The following ASAP2 variants were observed in gnomAD, a reference collection of about 807,000 sequenced individuals.
ASAP2 encodes the protein ArfGAP with SH3 domain, ankyrin repeat and PH domain 2.
Under a neutral mutation model 131.4 loss-of-function variants are expected in ASAP2, and 45 were observed. The ratio of observed to expected loss-of-function variants is 0.34; its 90% CI spans 0.27 to 0.44. The LOEUF (loss-of-function observed/expected upper bound fraction) is 0.44. ASAP2 is among the 20% of genes least tolerant of loss of function. The probability of loss-of-function intolerance (pLI) is 1.00; values close to 1 mark genes in which losing one functional copy is unlikely to be tolerated. For missense variants in ASAP2, 1,011 were observed against 1,297.0 expected, an observed-to-expected ratio of 0.78 and a Z score of 3.39; for synonymous variants, 510 against 503.0, an observed-to-expected ratio of 1.01 and a Z score of -0.19.
At chr2:9,357,896 G>C (rs746598783) in intron 14 of ASAP2, among the ~76,000 whole-genome samples, 2 of 152,192 alleles carry the variant, frequency 1.3e-5, no homozygotes, top group Non-Finnish European at 2.9e-5. Flanking sequence ...GTTCTGAAGA[G>C]AATTGTATTT....
At chr2:9,368,172 CCT>C (rs1445417923) in intron 15 of ASAP2, among the ~76,000 whole-genome samples, 2 of 152,180 alleles carry the variant, frequency 1.3e-5, no homozygotes, top group Middle Eastern at 3.2e-3. Context: ...ACTGGTTCTC[CCT>C]GTCTCTGTCT....
chr2:9,278,658 GC>G (rs772752281), intron 1 of ASAP2, among the ~76,000 whole-genome samples: 2 of 152,198 alleles, frequency 1.3e-5, no homozygotes, highest in Non-Finnish European at 2.9e-5. Flanking sequence ...CATTGTGAGT[GC>G]CATAGACAAC....
intron 9 of ASAP2, among the ~76,000 whole-genome samples, chr2:9,342,708 C>G (rs1241051892): frequency 6.6e-6 from 1 of 152,170 alleles, no homozygotes; most frequent in Non-Finnish European, 1.5e-5. Context: ...TTTTCAAACT[C>G]AGAAATCCAA....
In ASAP2 at chr2:9,207,635, C is replaced by T. The variant is rs912211686; in HGVS notation, c.126+405C>T. Among the ~76,000 whole-genome samples the T allele has an allele frequency of 1.3e-5, 2 of 151,922 alleles. No homozygotes were observed. Among genetic ancestry groups the T allele is most frequent in the African/African-American group, 4.8e-5 (2 of 41,420 alleles). On this transcript the variant is annotated intron_variant, in intron 1 of 27. Coordinates refer to ENST00000281419, the MANE Select transcript of ASAP2 (RefSeq NM_003887.3). This position sits in a 1 kb window ranked among gnomAD's most constrained non-coding sequence, Gnocchi z 4.1. ...TCTTGAAGTGGACCGGCGGGGGCAG[C>T]TCCGCGCTCCGAGCTCCCCGCCGCA...
Position 9,207,851 on chromosome 2 carries a change from C to T in ASAP2, c.126+621C>T, listed in dbSNP as rs888044411. Among the ~76,000 whole-genome samples, 5 of 152,184 alleles carry T rather than the reference C, an allele frequency of 3.3e-5. No individual in the cohort carries two copies. The highest frequency in any genetic ancestry group is 7.4e-5 in the Non-Finnish European group (5 of 68,024). ...CAAGAAGCCTCCAGGAGCCGCTCCC[C>T]GGTTACCTGGGTCTCACCTGCTTGA... On this transcript the variant is annotated intron_variant, in intron 1 of 27. Coordinates refer to ENST00000281419, the MANE Select transcript of ASAP2 (RefSeq NM_003887.3). The surrounding 1 kb of genome is among the most constrained non-coding windows in gnomAD (Gnocchi z 4.1).
chr2:9,242,104 G>C (rs1387255500), intron 1 of ASAP2, among the ~76,000 whole-genome samples: 1 of 152,180 alleles, frequency 6.6e-6, no homozygotes. Context: ...CGTTGTGTTT[G>C]CTATCTTGGA....
chr2:9,345,376 C>T (rs569838294), intron 11 of ASAP2, among the ~76,000 whole-genome samples: 1 of 152,208 alleles, frequency 6.6e-6, no homozygotes, highest in Admixed American at 6.5e-5. Flanking sequence ...AAACGGAGCC[C>T]TCTATGTTGA....
chr2:9,264,388 A>G (rs1291242157), intron 1 of ASAP2, among the ~76,000 whole-genome samples: 1 of 152,018 alleles, frequency 6.6e-6, no homozygotes, highest in Non-Finnish European at 1.5e-5. Context: ...CCCATCAGGA[A>G]CCTTCCTTCC....
intron 3 of ASAP2, among the ~76,000 whole-genome samples, chr2:9,302,569 G>T (rs535102401): frequency 6.6e-6 from 1 of 150,820 alleles, no homozygotes; most frequent in South Asian, 2.1e-4. Context: ...CCGCCTCCCG[G>T]GTTCCAGCTA....
chr2:9,377,067 C>T (rs1383171600), intron 18 of ASAP2, 74 bp downstream of exon 18: 2 of 1,313,730 alleles, frequency 1.5e-6, no homozygotes, highest in Non-Finnish European at 2.2e-6. Flanking sequence ...GACGCTGCCT[C>T]ATCGCTTCTG....
chr2:9,271,937 A>T (rs1197169625), intron 1 of ASAP2, among the ~76,000 whole-genome samples: 1 of 151,766 alleles, frequency 6.6e-6, no homozygotes, highest in East Asian at 1.9e-4. Flanking sequence ...TAGGTACCAC[A>T]TTTTCTTTAT....
In ASAP2 at chr2:9,298,956, G is replaced by A. The variant is rs183531507; in HGVS notation, c.345+1511G>A. Among the ~76,000 whole-genome samples, 164 of 152,246 alleles carry A rather than the reference G, an allele frequency of 1.1e-3. 2 individuals carry two copies. Among genetic ancestry groups the A allele is most frequent in the African/African-American group, 3.9e-3 (163 of 41,536 alleles). On this transcript the variant is annotated intron_variant, in intron 3 of 27. Transcript: ENST00000281419. ...AAAGAAGGCCAGGGACACAACTATGGTAAGAAAATATAACATTAAAAATCC... is the reference window on the plus strand; with the variant it reads ...AAAGAAGGCCAGGGACACAACTATGATAAGAAAATATAACATTAAAAATCC...
chr2:9,381,810 G>T (rs1674868360), intron 20 of ASAP2, among the ~76,000 whole-genome samples: 1 of 152,020 alleles, frequency 6.6e-6, no homozygotes, highest in Non-Finnish European at 1.5e-5. Context: ...AGTTGAGGTG[G>T]GAGAATGGAC....
chr2:9,397,980 G>A (rs1194126915), intron 24 of ASAP2, among the ~76,000 whole-genome samples: 3 of 150,980 alleles, frequency 2.0e-5, no homozygotes, highest in Non-Finnish European at 4.4e-5. Context: ...AGATGGTCTC[G>A]ATCTCCTGAC....
At chr2:9,211,941 G>A (rs1661589386) in intron 1 of ASAP2, among the ~76,000 whole-genome samples, 1 of 152,176 alleles carries the variant, frequency 6.6e-6, no homozygotes, top group South Asian at 2.1e-4. Context: ...GGGTCAAACA[G>A]GGCCACCTTT....
intron 27 of ASAP2, 75 bp from the exon 28 acceptor site, chr2:9,403,178 C>G (rs764764869): frequency 2.5e-5 from 33 of 1,305,704 alleles, no homozygotes; most frequent in Admixed American, 3.6e-5. Flanking sequence ...TCACCAAACG[C>G]TCTATGTAAT....
chr2:9,278,305 G>A (rs1666885885), intron 1 of ASAP2, among the ~76,000 whole-genome samples: 6 of 152,052 alleles, frequency 3.9e-5, no homozygotes, highest in Admixed American at 3.9e-4. Flanking sequence ...CTGAGGTCAG[G>A]AGTTTGAGAC....
chr2:9,291,554 C>T (rs535224163), intron 2 of ASAP2, among the ~76,000 whole-genome samples: 1 of 152,328 alleles, frequency 6.6e-6, no homozygotes, highest in South Asian at 2.1e-4. Context: ...TCGTGACACA[C>T]ATTTGAGTAG....
intron 7 of ASAP2, among the ~76,000 whole-genome samples, chr2:9,330,032 G>C (rs1670727821): frequency 6.6e-6 from 1 of 152,160 alleles, no homozygotes; most frequent in Admixed American, 6.5e-5. Context: ...CCATTTATTT[G>C]TTTTATATCT....
Sources: allele counts gnomAD v4.1 joint callset (sites outside exome capture counted in the v4.1 genomes callset), GRCh38; gene constraint gnomAD v4.1.1; non-coding constraint Gnocchi (gnomAD v3.1); transcripts MANE v1.5; gene names NCBI Gene and HGNC (gene_info 2026-07-23, HGNC 2026-07-21).